Variants in SPRY3 observed in about 807,000 individuals in gnomAD.
SPRY3 encodes protein sprouty homolog 3.
SPRY3 carries 15 observed loss-of-function variants against 20.2 expected under a neutral mutation model. That is an observed-to-expected ratio of 0.74 (90% CI 0.50 to 1.14). SPRY3 has a LOEUF of 1.14. SPRY3 is among the 50% of genes most tolerant of loss of function. The probability of loss-of-function intolerance (pLI) is 0.00; values close to 1 mark genes in which losing one functional copy is unlikely to be tolerated. For missense variants in SPRY3, 364 were observed against 363.9 expected (o/e 1.00, Z 0.00); for synonymous variants, 143 against 136.5 (o/e 1.05, Z -0.33).
intron 1 of SPRY3, among the ~76,000 whole-genome samples, chrX:155,626,433 A>G (rs2067888398): frequency 9.0e-6 from 1 of 111,717 alleles, no homozygotes; most frequent in African/African-American, 3.2e-5. Context: ...AGAGCATTTT[A>G]CATATTCTAG....
At chrX:155,741,701 G>A (rs891294416) in intron 2 of SPRY3, among the ~76,000 whole-genome samples, 163 of 152,192 alleles carry the variant, frequency 1.1e-3, no homozygotes, top group Non-Finnish European at 2.1e-3. Flanking sequence ...AGTATTCAAC[G>A]TTCTTAAAAA....
intron 1 of SPRY3, among the ~76,000 whole-genome samples, chrX:155,630,375 G>C (rs1274944145): frequency 8.9e-6 from 1 of 111,733 alleles, no homozygotes; most frequent in Non-Finnish European, 1.9e-5. Flanking sequence ...TTTGCAGCTT[G>C]AATAATTCCC....
rs782229105 is a variant in SPRY3, at chrX:155,650,701, GTAGGTGCATT to G, written c.-440-6162_-440-6153del. On this transcript the variant is annotated intron_variant, in intron 1 of 3. Transcript: ENST00000675360. ...CTCCCTTCAGGAAAGTACCTCCACA[GTAGGTGCATT>G]TAGCTGAAAGCCTTCAGCTGCAGCA... Among the ~76,000 whole-genome samples the G allele has an allele frequency of 2.7e-5, 3 of 111,854 alleles. No homozygotes were observed. The South Asian group carries it at 1.1e-3, about 42-fold the overall frequency.
At position 155,697,842 on chromosome X, in the gene SPRY3, C is replaced by T. The variant is rs1314606474; in HGVS notation, c.-282+40817C>T. ...TCCCTAGGGAAATTCCATTATGATA[C>T]TATTTGTATCAGTTAGAAATTTTTG... is the stretch of plus-strand genomic sequence containing the variant. On this transcript the variant is annotated intron_variant, in intron 2 of 3. Coordinates refer to ENST00000675360, the Ensembl canonical transcript of SPRY3. Among the ~76,000 whole-genome samples, 2 of 110,409 alleles carry T rather than the reference C, an allele frequency of 1.8e-5. 1 individual carries two copies. The highest frequency in any genetic ancestry group is 3.8e-5 in the Non-Finnish European group (2 of 52,786).
At chrX:155,706,098 A>G (rs2090949027) in intron 2 of SPRY3, among the ~76,000 whole-genome samples, 1 of 151,328 alleles carries the variant, frequency 6.6e-6, no homozygotes, top group Admixed American at 6.6e-5. Context: ...TCACCAATGT[A>G]GACCATACTT....
intron 2 of SPRY3, among the ~76,000 whole-genome samples, chrX:155,688,036 CT>C (rs1411668755): frequency 1.1e-5 from 1 of 91,665 alleles, no homozygotes; most frequent in Non-Finnish European, 2.2e-5. Context: ...GATGCTCTCC[CT>C]CCCCCCACCC....
At chrX:155,680,660 A>T (rs2068071869) in intron 2 of SPRY3, among the ~76,000 whole-genome samples, 1 of 111,512 alleles carries the variant, frequency 9.0e-6, no homozygotes, top group Non-Finnish European at 1.9e-5. Flanking sequence ...GGCATACTTA[A>T]TTTTATTGTG....
At chrX:155,717,805 T>C (rs181113310) in intron 2 of SPRY3, among the ~76,000 whole-genome samples, 376 of 152,258 alleles carry the variant, frequency 2.5e-3, no homozygotes, top group African/African-American at 8.7e-3. Context: ...CAGTCTATCA[T>C]TGATGGGCAT....
intron 2 of SPRY3, among the ~76,000 whole-genome samples, chrX:155,684,005 TG>T (rs908187234): frequency 9.3e-5 from 10 of 107,573 alleles, no homozygotes; most frequent in African/African-American, 3.4e-4. Flanking sequence ...TCAAGGAAGA[TG>T]GGGGCCGACA....
At chrX:155,741,671 C>T (rs932402189) in intron 2 of SPRY3, among the ~76,000 whole-genome samples, 1 of 152,124 alleles carries the variant, frequency 6.6e-6, no homozygotes, top group Non-Finnish European at 1.5e-5. Flanking sequence ...AGAAACCCTA[C>T]AAGCCAGAGA....
At chrX:155,724,403 C>T (rs2091083717) in intron 2 of SPRY3, among the ~76,000 whole-genome samples, 1 of 152,128 alleles carries the variant, frequency 6.6e-6, no homozygotes, top group Non-Finnish European at 1.5e-5. Context: ...GATATTCATT[C>T]TTCCTACCCA....
At position 155,730,248 on chromosome X, in the gene SPRY3, G is replaced by T. The variant is rs541520606; in HGVS notation, c.-281-37714G>T. On this transcript the variant is annotated intron_variant, in intron 2 of 3. Transcript: ENST00000675360. Reference sequence around the variant, plus strand: ...GACACATCAAGAAAAGAAAACTACAGGCCAACATCCCTGATGAACATTGAT... The same window carrying T: ...GACACATCAAGAAAAGAAAACTACATGCCAACATCCCTGATGAACATTGAT... 9.2e-5 allele frequency among the ~76,000 whole-genome samples: 14 copies of T among 152,188 alleles called. No homozygotes were observed. In the East Asian group the frequency reaches 2.3e-3, roughly 25 times the overall value.
chrX:155,685,680 CTA>C (rs1483022397), intron 2 of SPRY3, among the ~76,000 whole-genome samples: 4 of 111,416 alleles, frequency 3.6e-5, no homozygotes, highest in Non-Finnish European at 7.5e-5. Context: ...TTTTCTTTTC[CTA>C]TGTTAGTTTG....
intron 2 of SPRY3, among the ~76,000 whole-genome samples, chrX:155,696,212 AAC>A (rs201511557): frequency 0.11 from 10,849 of 103,141 alleles, 852 homozygotes; most frequent in African/African-American, 0.25. Context: ...ATACACACAC[AAC>A]ACACACACAC....
At chrX:155,728,225 G>T (rs1216609641) in intron 2 of SPRY3, among the ~76,000 whole-genome samples, 3 of 152,184 alleles carry the variant, frequency 2.0e-5, no homozygotes, top group African/African-American at 7.2e-5. Flanking sequence ...TGAAGTGTCT[G>T]TCAGCCCCTA....
intron 2 of SPRY3, among the ~76,000 whole-genome samples, chrX:155,717,740 C>T (rs948492162): frequency 2.6e-5 from 4 of 152,130 alleles, no homozygotes; most frequent in African/African-American, 9.7e-5. Context: ...ATGAACTCAT[C>T]CTTTTTTATG....
intron 2 of SPRY3, among the ~76,000 whole-genome samples, chrX:155,666,237 C>A (rs1181112945): frequency 5.4e-5 from 6 of 111,060 alleles, no homozygotes; most frequent in African/African-American, 2.0e-4. Context: ...TAGCAGGGAG[C>A]CAGGTCATGC....
chrX:155,640,049 T>C (rs927617066), intron 1 of SPRY3, among the ~76,000 whole-genome samples: 49 of 112,193 alleles, frequency 4.4e-4, no homozygotes, highest in African/African-American at 1.5e-3. Context: ...GCCCACTTTT[T>C]AATTGAGTTA....
Position 155,689,308 on chromosome X carries a change from T to G in SPRY3, c.-282+32283T>G, listed in dbSNP as rs886504196. Among the ~76,000 whole-genome samples, 8 of 86,875 alleles carry G rather than the reference T, an allele frequency of 9.2e-5. 2 individuals are homozygous for G. Among genetic ancestry groups the G allele is most frequent in the African/African-American group, 4.6e-4 (8 of 17,448 alleles). 75.4% of individuals were successfully genotyped at this position (86,875 alleles called of 115,157 possible). A position where few individuals can be genotyped will look rare whatever the true frequency, so the allele number is the denominator to read the frequency against. On this transcript the variant is annotated intron_variant, in intron 2 of 3. Transcript: ENST00000675360. Reference sequence around the variant, plus strand: ...TATATGGTGTAAGGAAGGGGTCCAGTTTCGATCTTCTGCATATAGCTAGCC... The same window carrying G: ...TATATGGTGTAAGGAAGGGGTCCAGGTTCGATCTTCTGCATATAGCTAGCC...
Sources: gnomAD v4.1 joint callset for allele counts (sites outside exome capture counted in the v4.1 genomes callset) on GRCh38, gnomAD v4.1.1 for gene constraint, MANE v1.5 for transcripts, NCBI Gene and HGNC (gene_info 2026-07-23, HGNC 2026-07-21) for gene names.